The following ASMT variants were observed in gnomAD, a reference collection of about 807,000 sequenced individuals.
ASMT encodes acetylserotonin N-methyltransferase.
A neutral mutation model predicts 41.3 loss-of-function variants in ASMT; 53 were observed. The observed-to-expected ratio is 1.28, with a 90% CI of 1.03 to 1.61. The LOEUF is 1.61. ASMT is among the 40% of genes most tolerant of loss of function. The pLI, the probability that ASMT is intolerant of heterozygous loss-of-function variation, is 0.00. For missense variants in ASMT, 531 were observed against 441.3 expected (o/e 1.20, Z -1.82); for synonymous variants, 231 against 184.8 (o/e 1.25, Z -2.03).
At chrX:1,621,726 G>A (rs1222423529) in intron 1 of ASMT, among the ~76,000 whole-genome samples, 3 of 151,070 alleles carry the variant, frequency 2.0e-5, no homozygotes, top group African/African-American at 2.4e-5. Flanking sequence ...ACGGAGTTTC[G>A]CTCTTGTTGC....
chrX:1,642,737 C>A, intron 8 of ASMT, 66 bp from the exon 9 acceptor site: 1 of 1,489,060 alleles, frequency 6.7e-7, no homozygotes, highest in Non-Finnish European at 9.4e-7. Flanking sequence ...TTATGGTTCA[C>A]TGGGACTTTG....
At chrX:1,628,825 C>T (rs1934657874) in intron 4 of ASMT, among the ~76,000 whole-genome samples, 3 of 68,372 alleles carry the variant, frequency 4.4e-5, no homozygotes, top group African/African-American at 6.4e-5. Context: ...TCTCCTCTCC[C>T]GTCTTCTTTC....
At chrX:1,615,886 G>A (rs1422087725) in intron 1 of ASMT, among the ~76,000 whole-genome samples, 1 of 152,108 alleles carries the variant, frequency 6.6e-6, no homozygotes, top group Admixed American at 6.6e-5. Context: ...AATGTTTATT[G>A]AACTGCAAGT....
intron 1 of ASMT, among the ~76,000 whole-genome samples, chrX:1,616,681 G>A (rs1231871039): frequency 5.3e-5 from 8 of 151,192 alleles, no homozygotes; most frequent in African/African-American, 1.5e-4. Flanking sequence ...ACCAGTCTGG[G>A]CAACATAGTG....
chrX:1,616,129 G>C (rs374829789), intron 1 of ASMT, among the ~76,000 whole-genome samples: 4 of 149,318 alleles, frequency 2.7e-5, no homozygotes, highest in Admixed American at 6.6e-5. Context: ...CCAGGGTTCA[G>C]GCTATTCTCC....
At chrX:1,620,425 C>G (rs1299801832) in intron 1 of ASMT, among the ~76,000 whole-genome samples, 7 of 151,698 alleles carry the variant, frequency 4.6e-5, no homozygotes, top group Non-Finnish European at 1.0e-4. Context: ...GCCTTGGCCT[C>G]CCAAAGTGCT....
intron 8 of ASMT, among the ~76,000 whole-genome samples, chrX:1,642,030 C>G (rs1347773041): frequency 3.0e-5 from 4 of 134,032 alleles, no homozygotes; most frequent in Middle Eastern, 6.6e-3. Context: ...ATGGGGATAG[C>G]ATCCCAGTGT....
In ASMT at chrX:1,636,472, T is replaced by C. The variant is rs1447495443; in HGVS notation, c.822T>C (p.Asp274=). 1.2e-6 allele frequency: 2 copies of C among 1,613,780 alleles called. No individual in the cohort carries two copies. Among genetic ancestry groups the C allele is most frequent in the Middle Eastern group, 1.6e-4 (1 of 6,078 alleles). The part of the protein sequence containing the change: ...DFFKDPLPEA[D]LYILARVLHD... The stretch of plus-strand genomic sequence containing the variant: ...TCAAAGACCCTCTTCCGGAAGCTGA[T>C]CTGTACATCCTGGCCAGGGTCCTCC... Residue 274 remains aspartate, a synonymous_variant, in exon 8 of 9, where the codon GAT becomes GAC. Coordinates refer to ENST00000381241, the MANE Select transcript of ASMT (RefSeq NM_001171038.2).
intron 7 of ASMT, chrX:1,636,122 AT>A (rs375660910): frequency 8.1e-5 from 30 of 370,990 alleles, no homozygotes; most frequent in Non-Finnish European, 1.1e-4. Context: ...CGCCCGGCTA[AT>A]TTTTTTTGTA....
At chrX:1,628,585 C>T (rs1480323478) in intron 4 of ASMT, among the ~76,000 whole-genome samples, 1 of 150,676 alleles carries the variant, frequency 6.6e-6, no homozygotes, top group African/African-American at 2.4e-5. Flanking sequence ...AACCTCTCCT[C>T]TCCTCCCCTG....
intron 3 of ASMT, among the ~76,000 whole-genome samples, chrX:1,627,149 A>AC (rs1222597598): frequency 1.4e-5 from 2 of 144,730 alleles, no homozygotes; most frequent in African/African-American, 5.2e-5. Flanking sequence ...ACATGATGAA[A>AC]CCCCATCTGT....
chrX:1,629,230 G>A (rs1309534354), intron 4 of ASMT, among the ~76,000 whole-genome samples: 15 of 152,254 alleles, frequency 9.9e-5, no homozygotes, highest in South Asian at 2.1e-4. Context: ...AATAGTGACC[G>A]TGGTACCTAA....
chrX:1,637,094 T>C lies in ASMT; in HGVS notation c.910+534T>C, dbSNP rs7054428. 9.6e-3 allele frequency among the ~76,000 whole-genome samples: 822 copies of C among 85,626 alleles called. 6 individuals are homozygous for C. Among genetic ancestry groups the C allele is most frequent in the East Asian group, 0.021 (62 of 3,000 alleles). 56.2% of individuals were successfully genotyped at this position (85,626 alleles called of 152,430 possible). ...CAGCCTCTGTGTGTGAGATAAGGAC[T>C]GTGTCCCAGCTCTCCTGTGAGGTCC... On this transcript the variant is annotated intron_variant, in intron 8 of 8. Transcript: ENST00000381241.
At chrX:1,636,365 T>C in intron 7 of ASMT, 73 bp from the exon 8 acceptor site, 3 of 1,612,536 alleles carry the variant, frequency 1.9e-6, no homozygotes, top group Non-Finnish European at 2.5e-6. Flanking sequence ...GGTGACCTTT[T>C]GTGCCCAGAA....
chrX:1,623,274 T>A lies in ASMT; in HGVS notation c.205T>A (p.Ser69Thr), dbSNP rs1324994344. ...GTELLLDICV[S>T]LKLLKVETRG... The stretch of plus-strand genomic sequence containing the variant: ...AGAGCTCCTGCTGGACATCTGTGTG[T>A]CCCTGAAGCTGCTGAAAGTGGAGAC... The change falls in exon 2 of 9, where the codon TCC becomes ACC. Residue 69 changes from serine (S) to threonine (T), a missense_variant. Transcript: ENST00000381241. 7 of 1,613,890 alleles carry A rather than the reference T, an allele frequency of 4.3e-6. No individual in the cohort carries two copies. In the South Asian group the frequency reaches 6.6e-5, roughly 15 times the overall value.
At chrX:1,628,898 G>A (rs193136692) in intron 4 of ASMT, among the ~76,000 whole-genome samples, 3 of 146,736 alleles carry the variant, frequency 2.0e-5, no homozygotes, top group Non-Finnish European at 3.0e-5. Context: ...TCTTCTCCTC[G>A]GTCTGCTTTC....
At chrX:1,634,662 C>T (rs1339748452) in intron 7 of ASMT, among the ~76,000 whole-genome samples, 1 of 147,356 alleles carries the variant, frequency 6.8e-6, no homozygotes, top group African/African-American at 2.5e-5. Context: ...AACCCCCCCC[C>T]TTTTTTTTTC....
intron 4 of ASMT, among the ~76,000 whole-genome samples, chrX:1,628,885 C>G (rs1434477961): frequency 1.3e-5 from 2 of 150,858 alleles, no homozygotes; most frequent in Middle Eastern, 3.2e-3. Flanking sequence ...TTTTCTCCTC[C>G]TCTCTTCTCC....
chrX:1,632,907 T>C, intron 6 of ASMT, 120 bp downstream of exon 6: 1 of 602,682 alleles, frequency 1.7e-6, no homozygotes, highest in Non-Finnish European at 3.0e-6. Flanking sequence ...AAATACCTAA[T>C]GTAAATGACG....
Sources: gnomAD v4.1 joint callset for allele counts (sites outside exome capture counted in the v4.1 genomes callset) on GRCh38, gnomAD v4.1.1 for gene constraint, MANE v1.5 for transcripts, NCBI Gene and HGNC (gene_info 2026-07-23, HGNC 2026-07-21) for gene names.